PTPRD: variants seen among roughly 807,000 people sequenced by gnomAD.
PTPRD encodes protein tyrosine phosphatase receptor type D.
In PTPRD, 34 loss-of-function variants were observed where a neutral mutation model predicts 214.5. The ratio of observed to expected loss-of-function variants is 0.16; its 90% CI spans 0.12 to 0.21. PTPRD has a LOEUF of 0.21. PTPRD is among the 10% of genes least tolerant of loss of function. The probability of loss-of-function intolerance (pLI) is 1.00; values close to 1 mark genes in which losing one functional copy is unlikely to be tolerated. For synonymous variants in PTPRD, 1,128 were observed against 845.7 expected (o/e 1.33, Z -5.79); for missense variants, 2,545 against 2,398.7 (o/e 1.06, Z -1.27).
intron 5 of PTPRD, among the ~76,000 whole-genome samples, chr9:9,864,563 G>A (rs1472140911): frequency 6.6e-6 from 1 of 152,090 alleles, no homozygotes; most frequent in Non-Finnish European, 1.5e-5. Context: ...CTGTTACCCT[G>A]ACTGGAGTGC....
intron 3 of PTPRD, among the ~76,000 whole-genome samples, chr9:10,272,866 A>G (rs1001806866): frequency 2.0e-5 from 3 of 152,210 alleles, no homozygotes; most frequent in Non-Finnish European, 2.9e-5. Flanking sequence ...ATTTTTGAAG[A>G]CTTTTATCTT....
intron 8 of PTPRD, among the ~76,000 whole-genome samples, chr9:9,461,901 C>A (rs1193788110): frequency 6.6e-6 from 1 of 152,132 alleles, no homozygotes; most frequent in Non-Finnish European, 1.5e-5. Flanking sequence ...AATACTATCT[C>A]CTCAGCTTCT....
intron 6 of PTPRD, among the ~76,000 whole-genome samples, chr9:9,747,823 G>T (rs1289149302): frequency 2.0e-5 from 3 of 152,088 alleles, no homozygotes; most frequent in Non-Finnish European, 4.4e-5. Flanking sequence ...AAAGTGCTGG[G>T]ATTAGAGACG....
At chr9:8,961,699 T>C (rs1183713808) in intron 11 of PTPRD, among the ~76,000 whole-genome samples, 5 of 152,110 alleles carry the variant, frequency 3.3e-5, no homozygotes, top group Non-Finnish European at 5.9e-5. Flanking sequence ...TTAACCCTTC[T>C]AAGCAGAAAT....
chr9:8,479,793 C>G (rs974988973), intron 30 of PTPRD, among the ~76,000 whole-genome samples: 1 of 151,844 alleles, frequency 6.6e-6, no homozygotes, highest in African/African-American at 2.4e-5. Context: ...TACTATTTTC[C>G]TCTTTCAACT....
At chr9:8,640,386 C>T (rs1479028251) in intron 12 of PTPRD, among the ~76,000 whole-genome samples, 1 of 151,738 alleles carries the variant, frequency 6.6e-6, no homozygotes, top group Non-Finnish European at 1.5e-5. Flanking sequence ...AAAGAAATGA[C>T]CATTGGATGC....
At chr9:9,580,069 T>C (rs1255777685) in intron 7 of PTPRD, among the ~76,000 whole-genome samples, 1 of 152,178 alleles carries the variant, frequency 6.6e-6, no homozygotes, top group Non-Finnish European at 1.5e-5. Context: ...CATACTATTG[T>C]GTGTGTATGT....
chr9:8,500,763 T>G lies in PTPRD; in HGVS notation c.2119A>C (p.Asn707His). The G allele has an allele frequency of 6.2e-7, 1 of 1,613,940 alleles. No individual in the cohort carries two copies. The highest frequency in any genetic ancestry group is 1.3e-5 in the African/African-American group (1 of 75,002). The change falls in exon 24 of 46, where the codon AAT becomes CAT. Residue 707 changes from asparagine (N) to histidine (H), a missense_variant. By Grantham distance (68) the Asn-to-His change is moderately conservative. Transcript: ENST00000381196. ...PESLSVLIRT[N>H]EDVPSGPPRK... ...AGCGGAGGCAACATACCATCTTCAT[T>G]GGTTCGAATCAACACGGACAAGCTC...
chr9:9,648,126 A>T (rs1243070840), intron 7 of PTPRD, among the ~76,000 whole-genome samples: 1 of 152,088 alleles, frequency 6.6e-6, no homozygotes, highest in Non-Finnish European at 1.5e-5. Context: ...TTTGTCATAT[A>T]TTTATTTTAA....
intron 4 of PTPRD, among the ~76,000 whole-genome samples, chr9:9,998,127 A>ATATATATATATATATATATATAT (rs1231969776): frequency 5.3e-4 from 29 of 55,162 alleles, no homozygotes; most frequent in African/African-American, 1.9e-3. Context: ...AAAAAAAAAA[A>ATATATATATATATATATATATAT]AAATATATAT....
intron 2 of PTPRD, among the ~76,000 whole-genome samples, chr9:10,597,324 GATTTT>G (rs1234181949): frequency 5.3e-5 from 8 of 151,372 alleles, no homozygotes; most frequent in Non-Finnish European, 7.4e-5. Context: ...TATTTTATTT[GATTTT>G]ATTTATCAAA....
intron 17 of PTPRD, chr9:8,525,264 CT>C (rs938978867): frequency 1.9e-5 from 12 of 648,408 alleles, no homozygotes; most frequent in Non-Finnish European, 3.0e-5. Flanking sequence ...ATCAATATCT[CT>C]TTTCCCAAGC....
At chr9:8,750,167 T>C (rs937873939) in intron 11 of PTPRD, among the ~76,000 whole-genome samples, 1 of 151,784 alleles carries the variant, frequency 6.6e-6, no homozygotes, top group African/African-American at 2.4e-5. Context: ...AAAATACAAG[T>C]AATTTTTTGA....
chr9:9,775,785 T>C lies in PTPRD; in HGVS notation c.-367-8934A>G, dbSNP rs988105272. ...GGTGAAACCCAGTCTCTACTGAAAA[T>C]AGAAAACAAACAAACAAAAAAATAG... is the stretch of plus-strand genomic sequence containing the variant. On this transcript the variant is annotated intron_variant, in intron 5 of 45. Coordinates refer to ENST00000381196, the MANE Select transcript of PTPRD (RefSeq NM_002839.4). Among the ~76,000 whole-genome samples the C allele has an allele frequency of 5.9e-5, 9 of 151,518 alleles. No individual in the cohort carries two copies. The South Asian group carries it at 6.3e-4, about 11-fold the overall frequency.
intron 3 of PTPRD, among the ~76,000 whole-genome samples, chr9:10,271,629 G>A (rs766545538): frequency 6.2e-5 from 9 of 145,446 alleles, no homozygotes; most frequent in Non-Finnish European, 1.0e-4. Context: ...TGCAACCTCC[G>A]CCTCCCAGGT....
At chr9:9,813,580 A>T (rs1357775418) in intron 5 of PTPRD, among the ~76,000 whole-genome samples, 1 of 152,064 alleles carries the variant, frequency 6.6e-6, no homozygotes, top group Non-Finnish European at 1.5e-5. Flanking sequence ...AGAAATAGAA[A>T]ATATAAATAG....
intron 8 of PTPRD, among the ~76,000 whole-genome samples, chr9:9,423,842 A>G (rs901578980): frequency 6.6e-6 from 1 of 152,214 alleles, no homozygotes; most frequent in Non-Finnish European, 1.5e-5. Context: ...ATATACAGAG[A>G]AGAAAAGAAT....
intron 2 of PTPRD, among the ~76,000 whole-genome samples, chr9:10,419,328 C>T (rs961508399): frequency 8.6e-5 from 13 of 151,846 alleles, no homozygotes; most frequent in Non-Finnish European, 1.6e-4. Flanking sequence ...GCACACTGGT[C>T]GCTTCTCTCC....
intron 9 of PTPRD, among the ~76,000 whole-genome samples, chr9:9,305,053 C>G (rs989023763): frequency 2.0e-5 from 3 of 149,890 alleles, no homozygotes; most frequent in African/African-American, 7.4e-5. Context: ...TGTTAGAGTC[C>G]CTAGTCCCTT....
Sources: gnomAD v4.1 joint callset for allele counts (sites outside exome capture counted in the v4.1 genomes callset) on GRCh38, gnomAD v4.1.1 for gene constraint, MANE v1.5 for transcripts, NCBI Gene and HGNC (gene_info 2026-07-23, HGNC 2026-07-21) for gene names.